MPZL1: variants seen among roughly 807,000 people sequenced by gnomAD.
The protein encoded by MPZL1 is myelin protein zero like 1.
A neutral mutation model predicts 29.3 loss-of-function variants in MPZL1; 16 were observed. The observed-to-expected ratio is 0.55, with a 90% CI of 0.37 to 0.83. The LOEUF (loss-of-function observed/expected upper bound fraction) is 0.83, where lower values mean the gene tolerates loss of function less well. MPZL1 is among the 40% of genes least tolerant of loss of function. MPZL1 has a pLI of 0.00. For synonymous variants in MPZL1, 143 were observed against 132.0 expected (o/e 1.08, Z -0.57); for missense variants, 279 against 332.9 (o/e 0.84, Z 1.26).
chr1:167,722,572 C>CT (rs368884452), intron 1 of MPZL1, among the ~76,000 whole-genome samples: 178 of 152,346 alleles, frequency 1.2e-3, no homozygotes, highest in African/African-American at 4.1e-3. Flanking sequence ...GCGGCGCACC[C>CT]TGCCCTCTCC....
intron 1 of MPZL1, among the ~76,000 whole-genome samples, chr1:167,727,856 T>C (rs1660181260): frequency 6.6e-6 from 1 of 150,754 alleles, no homozygotes; most frequent in Non-Finnish European, 1.5e-5. Context: ...ATTCATTATC[T>C]TTTTTCTTTC....
chr1:167,750,233 T>A (rs917598154), intron 1 of MPZL1, among the ~76,000 whole-genome samples: 5 of 152,046 alleles, frequency 3.3e-5, no homozygotes, highest in Non-Finnish European at 7.4e-5. Flanking sequence ...GGAGTTTTGC[T>A]CTCGTTGCCC....
chr1:167,729,876 G>T (rs1558106970), intron 1 of MPZL1, among the ~76,000 whole-genome samples: 1 of 152,212 alleles, frequency 6.6e-6, no homozygotes, highest in Non-Finnish European at 1.5e-5. Context: ...TTATAGATAA[G>T]AAGAGTAAGT....
chr1:167,731,894 A>C (rs867889520), intron 1 of MPZL1, among the ~76,000 whole-genome samples: 1 of 152,176 alleles, frequency 6.6e-6, no homozygotes, highest in Non-Finnish European at 1.5e-5. Flanking sequence ...ATAGGTCCAC[A>C]GTTTTTTTAT....
At chr1:167,766,359 G>T (rs894286362) in intron 2 of MPZL1, among the ~76,000 whole-genome samples, 1 of 152,148 alleles carries the variant, frequency 6.6e-6, no homozygotes, top group Non-Finnish European at 1.5e-5. Context: ...TGGAGTGCTG[G>T]TTATTAAACA....
At chr1:167,764,587 A>G (rs569526939) in intron 1 of MPZL1, among the ~76,000 whole-genome samples, 8 of 152,370 alleles carry the variant, frequency 5.3e-5, no homozygotes, top group Non-Finnish European at 7.3e-5. Flanking sequence ...AAATGAAGTT[A>G]TATCTTAGGA....
intron 1 of MPZL1, among the ~76,000 whole-genome samples, chr1:167,757,977 C>T (rs1159371691): frequency 6.6e-6 from 1 of 151,980 alleles, no homozygotes; most frequent in Non-Finnish European, 1.5e-5. Flanking sequence ...TGGTAAAACC[C>T]TGTCTCTACT....
At chr1:167,730,734 T>A (rs2101747593) in intron 1 of MPZL1, among the ~76,000 whole-genome samples, 1 of 152,356 alleles carries the variant, frequency 6.6e-6, no homozygotes, top group Non-Finnish European at 1.5e-5. Flanking sequence ...GCCTTGACTT[T>A]CTTCCTTTGA....
intron 1 of MPZL1, among the ~76,000 whole-genome samples, chr1:167,728,034 A>ATTTT (rs35770520): frequency 9.6e-6 from 1 of 104,100 alleles, no homozygotes; most frequent in African/African-American, 3.5e-5. Flanking sequence ...CGCCCAACTA[A>ATTTT]TTTTTTTTTT....
In MPZL1 at chr1:167,787,816, C is replaced by T; in HGVS notation, c.709-4C>T. 2 of 1,608,058 alleles carry T rather than the reference C, an allele frequency of 1.2e-6. No individual in the cohort carries two copies. Among genetic ancestry groups the T allele is most frequent in the Non-Finnish European group, 1.7e-6 (2 of 1,174,586 alleles). The stretch of plus-strand genomic sequence containing the variant: ...CCTCTAATCCTTCTGCTTCCCTTTT[C>T]CAGGGCCCAGTCATATATGCACAGT... On this transcript the variant is annotated splice_polypyrimidine_tract_variant and splice_region_variant and intron_variant, in intron 5 of 5. Coordinates refer to ENST00000359523, the MANE Select transcript of MPZL1 (RefSeq NM_003953.6).
intron 2 of MPZL1, among the ~76,000 whole-genome samples, chr1:167,767,252 A>C (rs539700555): frequency 1.3e-5 from 2 of 152,378 alleles, no homozygotes; most frequent in East Asian, 3.9e-4. Flanking sequence ...ATATGGCATC[A>C]GCATAGAACA....
chr1:167,753,761 C>T (rs1660807687), intron 1 of MPZL1, among the ~76,000 whole-genome samples: 1 of 151,954 alleles, frequency 6.6e-6, no homozygotes, highest in Non-Finnish European at 1.5e-5. Flanking sequence ...TCCCAGGTAG[C>T]TGGGATTACA....
rs888053897 is a variant in MPZL1 at position 167,789,823 on chromosome 1, C to T, written c.*1902C>T. 2 of 152,220 alleles carry T rather than the reference C, an allele frequency of 1.3e-5. No individual in the cohort carries two copies. Among genetic ancestry groups the T allele is most frequent in the Non-Finnish European group, 2.9e-5 (2 of 68,048 alleles). The allele number at this position is 152,220 out of a possible 1,614,324, so 9.4% of individuals were successfully genotyped here. On this transcript the variant is annotated 3_prime_UTR_variant, in exon 6 of 6. Coordinates refer to ENST00000359523, the MANE Select transcript of MPZL1 (RefSeq NM_003953.6). ...AAGAGAGTGACACACAGTGCTGGCC[C>T]TGAGACATTTCCACAAAGTGGTCAA...
chr1:167,771,100 G>A (rs113659026), intron 2 of MPZL1, among the ~76,000 whole-genome samples: 6 of 151,682 alleles, frequency 4.0e-5, no homozygotes, highest in African/African-American at 1.5e-4. Context: ...GTCAACACGT[G>A]AACAAAGGTC....
At position 167,777,555 on chromosome 1, in the gene MPZL1, A is replaced by T. The variant is rs970590613; in HGVS notation, c.708+1389A>T. ...AAGGAGGCTAAGATTTATGAGGCTG[A>T]GTACCAAAGAAGGAACCATAGAGAG... On this transcript the variant is annotated intron_variant, in intron 5 of 5. Coordinates refer to ENST00000359523, the MANE Select transcript of MPZL1 (RefSeq NM_003953.6). Among the ~76,000 whole-genome samples the T allele has an allele frequency of 2.0e-5, 3 of 149,070 alleles. No individual in the cohort carries two copies. The East Asian group carries it at 6.2e-4, about 31-fold the overall frequency.
rs34678493 is a variant in MPZL1 at position 167,788,879 on chromosome 1, CT to C, written c.*974del. 0.72 allele frequency: 93,557 copies of C among 130,274 alleles called. 33,142 individuals carry two copies. Among genetic ancestry groups the C allele is most frequent in the African/African-American group, 0.82 (28,012 of 34,190 alleles). The allele number at this position is 130,274 out of a possible 1,614,324, so 8.1% of individuals were successfully genotyped here. On this transcript the variant is annotated 3_prime_UTR_variant, in exon 6 of 6. Transcript: ENST00000359523. ...CTCTCTAGAGAATCACCTTCTTTCG[CT>C]TTTTTTTTTTTTTTTGAGGTAGAGT...
intron 1 of MPZL1, among the ~76,000 whole-genome samples, chr1:167,736,035 C>A (rs1467928166): frequency 6.6e-6 from 1 of 152,166 alleles, no homozygotes; most frequent in Non-Finnish European, 1.5e-5. Flanking sequence ...TCTGATATTA[C>A]CAAATCAACT....
In MPZL1 at chr1:167,727,529, A is replaced by C. The variant is rs139168121; in HGVS notation, c.91+5287A>C. ...ATAGATTAGTCTTTAGCCCCATCGAAGACGGTATAATTATTAGAAGAACTA... is the reference window on the plus strand; with the variant it reads ...ATAGATTAGTCTTTAGCCCCATCGACGACGGTATAATTATTAGAAGAACTA... On this transcript the variant is annotated intron_variant, in intron 1 of 5. Coordinates refer to ENST00000359523, the MANE Select transcript of MPZL1 (RefSeq NM_003953.6). Among the ~76,000 whole-genome samples, 249 of 152,330 alleles carry C rather than the reference A, an allele frequency of 1.6e-3. 2 individuals are homozygous for C. Among genetic ancestry groups the C allele is most frequent in the African/African-American group, 5.8e-3 (241 of 41,570 alleles).
At chr1:167,742,284 CA>C (rs1001560172) in intron 1 of MPZL1, among the ~76,000 whole-genome samples, 1 of 149,640 alleles carries the variant, frequency 6.7e-6, no homozygotes, top group Non-Finnish European at 1.5e-5. Flanking sequence ...CAGAGCAAGA[CA>C]AAAAAAAGAA....
Sources: allele counts gnomAD v4.1 joint callset (sites outside exome capture counted in the v4.1 genomes callset), GRCh38; gene constraint gnomAD v4.1.1; transcripts MANE v1.5; gene names NCBI Gene and HGNC (gene_info 2026-07-23, HGNC 2026-07-21).